The following CENPE variants were observed in gnomAD, a reference collection of about 807,000 sequenced individuals.
CENPE encodes the protein centromere-associated protein E.
CENPE carries 145 observed loss-of-function variants against 336.1 expected under a neutral mutation model. The observed-to-expected ratio is 0.43, with a 90% CI of 0.38 to 0.50. CENPE has a LOEUF of 0.50. Among genes scored for constraint, CENPE ranks in the 20% least tolerant of loss-of-function variants. CENPE has a pLI of 0.00. For synonymous variants in CENPE, 1,013 were observed against 984.8 expected (o/e 1.03, Z -0.54); for missense variants, 2,719 against 3,023.3 (o/e 0.90, Z 2.36).
intron 9 of CENPE, among the ~76,000 whole-genome samples, 160 bp from the exon 10 acceptor site, chr4:103,183,448 T>A (rs556032545): frequency 3.9e-5 from 6 of 152,148 alleles, no homozygotes; most frequent in African/African-American, 1.2e-4. Flanking sequence ...TAGAAAGAGC[T>A]CTCTCCCTAT....
chr4:103,147,692 A>G (rs1753175141), intron 28 of CENPE, 46 bp from the exon 29 acceptor site: 1 of 1,534,656 alleles, frequency 6.5e-7, no homozygotes, highest in African/African-American at 1.4e-5. Flanking sequence ...GGAGATTATG[A>G]TCATAATTTT....
chr4:103,184,835 A>C (rs1242992158), intron 9 of CENPE, among the ~76,000 whole-genome samples: 2 of 152,178 alleles, frequency 1.3e-5, no homozygotes, highest in African/African-American at 4.8e-5. Context: ...TACAAATTTT[A>C]AAATCATCTT....
At position 103,181,324 on chromosome 4, in the gene CENPE, G is replaced by A. The variant is rs1756309918; in HGVS notation, c.1083+13C>T. ...GTTCTTTCAATTTAATGAAATAAAT[G>A]ATTCATACATACCTCCTCTAATTGT... On this transcript the variant is annotated intron_variant, in intron 12 of 48. Coordinates refer to ENST00000265148, the MANE Select transcript of CENPE (RefSeq NM_001813.3). 4 of 1,472,706 alleles carry A rather than the reference G, an allele frequency of 2.7e-6. No homozygotes were observed. Among genetic ancestry groups the A allele is most frequent in the Non-Finnish European group, 3.6e-6 (4 of 1,095,960 alleles). The allele number at this position is 1,472,706 out of a possible 1,614,324, so 91.2% of individuals were successfully genotyped here.
chr4:103,167,943 G>T (rs1340955848), intron 16 of CENPE, among the ~76,000 whole-genome samples: 1 of 152,134 alleles, frequency 6.6e-6, no homozygotes. Flanking sequence ...CCTATAACTT[G>T]GCTCCTGCCC....
chr4:103,175,837 G>T, intron 15 of CENPE, 123 bp downstream of exon 15: 1 of 583,106 alleles, frequency 1.7e-6, no homozygotes, highest in Non-Finnish European at 2.9e-6. Context: ...AATGTAAAGA[G>T]AAAAGCCTTC....
chr4:103,127,011 G>A (rs940848907), intron 42 of CENPE, among the ~76,000 whole-genome samples: 7 of 148,686 alleles, frequency 4.7e-5, no homozygotes, highest in Admixed American at 1.4e-4. Context: ...AATATTTGAA[G>A]TAATAACGAC....
chr4:103,120,085 G>T (rs990198740), intron 44 of CENPE, 63 bp downstream of exon 44: 8 of 1,195,876 alleles, frequency 6.7e-6, no homozygotes, highest in Non-Finnish European at 9.4e-6. Context: ...AAGGAGATTT[G>T]CTGAATTCAA....
Position 103,180,248 on chromosome 4 carries a change from C to T in CENPE, c.1242+63G>A, listed in dbSNP as rs1756215456. 7.0e-6 allele frequency: 10 copies of T among 1,432,428 alleles called. 2 individuals are homozygous for T. The South Asian group carries it at 1.3e-4, about 19-fold the overall frequency. The allele number at this position is 1,432,428 out of a possible 1,614,324, so 88.7% of individuals were successfully genotyped here. On this transcript the variant is annotated intron_variant, in intron 13 of 48. Coordinates refer to ENST00000265148, the MANE Select transcript of CENPE (RefSeq NM_001813.3). ...TAGAAAGTGCATACTATATAATAAA[C>T]ATATAGAAATACCAATTCTATTCTC...
chr4:103,190,955 AAACAAAC>A (rs1175207153), intron 8 of CENPE, among the ~76,000 whole-genome samples: 8 of 151,922 alleles, frequency 5.3e-5, no homozygotes, highest in Non-Finnish European at 1.2e-4. Flanking sequence ...GAAAAAAAAA[AAACAAAC>A]AACCACATCG....
intron 44 of CENPE, 106 bp downstream of exon 44, chr4:103,120,042 A>C: frequency 1.3e-6 from 1 of 749,376 alleles, no homozygotes. Flanking sequence ...CATAGGTAAC[A>C]GTAAGTTGTT....
chr4:103,116,627 A>G lies in CENPE; in HGVS notation c.7392T>C (p.Leu2464=). ...TCATTTTCTCTAGGTCTATTTTCAC[A>G]AGCTTCATTTTGAGATCTTCAATTT... ...KEEIEDLKMK[L]VKIDLEKMKN... Residue 2464 remains leucine, a synonymous_variant, in exon 45 of 49, where the codon CTT becomes CTC. Coordinates refer to ENST00000265148, the MANE Select transcript of CENPE (RefSeq NM_001813.3). 1 of 1,596,256 alleles carries G rather than the reference A, an allele frequency of 6.3e-7. No individual in the cohort carries two copies.
rs1307342697 is a variant in CENPE, at chr4:103,194,377, C to T, written c.624G>A (p.Arg208=). Residue 208 remains arginine (R), a synonymous_variant, in exon 7 of 49, where the codon AGG becomes AGA. Coordinates refer to ENST00000265148, the MANE Select transcript of CENPE (RefSeq NM_001813.3). ...ACAGATAGATAGAATTACCTACCATCCTAAAGATGGTATGAGAACGACTGC... is the reference window on the plus strand; with the variant it reads ...ACAGATAGATAGAATTACCTACCATTCTAAAGATGGTATGAGAACGACTGC... ...QRSSRSHTIF[R]MILESREKGE... 1 of 1,610,470 alleles carries T rather than the reference C, an allele frequency of 6.2e-7. No individual in the cohort carries two copies. The highest frequency in any genetic ancestry group is 1.3e-5 in the African/African-American group (1 of 74,790).
At chr4:103,142,699 T>C (rs1380345147) in intron 34 of CENPE, among the ~76,000 whole-genome samples, 1 of 152,096 alleles carries the variant, frequency 6.6e-6, no homozygotes, top group Non-Finnish European at 1.5e-5. Context: ...ATAGTTTCCC[T>C]AAGATCATTT....
chr4:103,148,784 T>A, intron 28 of CENPE, 60 bp downstream of exon 28: 3 of 1,488,496 alleles, frequency 2.0e-6, no homozygotes, highest in Non-Finnish European at 1.8e-6. Context: ...CTGCTTATCT[T>A]TCCTTCAAAG....
intron 29 of CENPE, among the ~76,000 whole-genome samples, chr4:103,147,024 T>A (rs1753112917): frequency 6.6e-6 from 1 of 152,216 alleles, no homozygotes; most frequent in Non-Finnish European, 1.5e-5. Context: ...TAGTGCTTTA[T>A]GAAACATTAA....
At chr4:103,110,229 T>A (rs1749271167) in intron 47 of CENPE, among the ~76,000 whole-genome samples, 1 of 152,312 alleles carries the variant, frequency 6.6e-6, no homozygotes, top group East Asian at 1.9e-4. Flanking sequence ...TGCCTGTTTG[T>A]TGGCTTCCTG....
rs2125920973 is a variant in CENPE at position 103,142,536 on chromosome 4, A to G, written c.5305-628T>C. ...TTGCTCCATTTTAAAGATTTCCTCT[A>G]CTCCTCTTAGGCCATCATTTTCCTT... On this transcript the variant is annotated intron_variant, in intron 34 of 48. Coordinates refer to ENST00000265148, the MANE Select transcript of CENPE (RefSeq NM_001813.3). Among the ~76,000 whole-genome samples, 4 of 151,980 alleles carry G rather than the reference A, an allele frequency of 2.6e-5. No individual in the cohort carries two copies. In the Middle Eastern group the frequency reaches 0.014, roughly 520 times the overall value.
At chr4:103,172,694 C>T (rs557431842) in intron 16 of CENPE, among the ~76,000 whole-genome samples, 2 of 151,986 alleles carry the variant, frequency 1.3e-5, no homozygotes, top group East Asian at 3.9e-4. Context: ...ATACAGAAAA[C>T]CCTAAGGACT....
At chr4:103,181,296 T>A in intron 12 of CENPE, 41 bp downstream of exon 12, 1 of 1,392,576 alleles carries the variant, frequency 7.2e-7, no homozygotes, top group South Asian at 1.4e-5. Flanking sequence ...CCATTCTAAA[T>A]TGGTTCTTTC....
Sources: allele counts gnomAD v4.1 joint callset (sites outside exome capture counted in the v4.1 genomes callset), GRCh38; gene constraint gnomAD v4.1.1; transcripts MANE v1.5; gene names NCBI Gene and HGNC (gene_info 2026-07-23, HGNC 2026-07-21).